Variants in CACNA1B observed in about 807,000 individuals in gnomAD.
The protein encoded by CACNA1B is voltage-dependent N-type calcium channel subunit alpha-1B.
CACNA1B carries 70 observed loss-of-function variants against 247.2 expected under a neutral mutation model. The ratio of observed to expected loss-of-function variants is 0.28; its 90% CI spans 0.23 to 0.35. CACNA1B has a LOEUF of 0.35. Among genes scored for constraint, CACNA1B ranks in the 10% least tolerant of loss-of-function variants. The pLI is 1.00. For missense variants in CACNA1B, 2,367 were observed against 3,197.4 expected, an observed-to-expected ratio of 0.74 and a Z score of 6.26; for synonymous variants, 1,231 against 1,294.4, an observed-to-expected ratio of 0.95 and a Z score of 1.05.
At chr9:137,894,479 A>C (rs776231759) in intron 3 of CACNA1B, among the ~76,000 whole-genome samples, 2 of 151,416 alleles carry the variant, frequency 1.3e-5, no homozygotes, top group Non-Finnish European at 2.9e-5. Context: ...CAGTGGCTCT[A>C]TCTCAGGTCA....
In CACNA1B at chr9:137,882,541, G is replaced by T. The variant is rs185397055; in HGVS notation, c.391-203G>T. ...GTAAACAGTGGTGTCCCCATTAGGG[G>T]ACATGTGCAGACAGCAAGCAGGCTC... On this transcript the variant is annotated intron_variant, in intron 2 of 46. Coordinates refer to ENST00000371372, the MANE Select transcript of CACNA1B (RefSeq NM_000718.4). This position sits in a 1 kb window ranked among gnomAD's most constrained non-coding sequence, Gnocchi z 4.0. Among the ~76,000 whole-genome samples, 2 of 152,302 alleles carry T rather than the reference G, an allele frequency of 1.3e-5. No homozygotes were observed. Among genetic ancestry groups the T allele is most frequent in the Non-Finnish European group, 2.9e-5 (2 of 68,038 alleles).
At position 138,013,155 on chromosome 9, in the gene CACNA1B, C is replaced by T; in HGVS notation, c.2187C>T (p.Ala729=). 6.2e-7 allele frequency: 1 copy of T among 1,613,254 alleles called. No homozygotes were observed. The highest frequency in any genetic ancestry group is 1.1e-5 in the South Asian group (1 of 91,008). ...TKDEEEMEEA[A]NQKLALQKAK... ...ATGAAGAGGAGATGGAAGAAGCAGC[C>T]AATCAGAAGCTTGCTCTGCAAAAGG... is the stretch of plus-strand genomic sequence containing the variant. The change falls in exon 18 of 47, where the codon GCC becomes GCT. Residue 729 remains alanine (A), a synonymous_variant. Transcript: ENST00000371372.
rs1959265109 is a variant in CACNA1B, at chr9:138,051,253, G to A, written c.3711-839G>A. On this transcript the variant is annotated intron_variant, in intron 24 of 46. Coordinates refer to ENST00000371372, the MANE Select transcript of CACNA1B (RefSeq NM_000718.4). The surrounding 1 kb of genome is among the most constrained non-coding windows in gnomAD (Gnocchi z 4.3). ...AGAACCTGCTAATTCCTGCGTCCCT[G>A]ACAGGTAGAGGCAGCTGCCTGGGTC... Among the ~76,000 whole-genome samples the A allele has an allele frequency of 1.3e-5, 2 of 152,036 alleles. No homozygotes were observed. Among genetic ancestry groups the A allele is most frequent in the Non-Finnish European group, 2.9e-5 (2 of 68,018 alleles).
rs1415195642 is a variant in CACNA1B, at chr9:138,011,820, G to A, written c.2161-1309G>A. Among the ~76,000 whole-genome samples, 8 of 152,260 alleles carry A rather than the reference G, an allele frequency of 5.3e-5. No homozygotes were observed. The highest frequency in any genetic ancestry group is 2.6e-4 in the Admixed American group (4 of 15,292). On this transcript the variant is annotated intron_variant, in intron 17 of 46. Transcript: ENST00000371372. This position sits in a 1 kb window ranked among gnomAD's most constrained non-coding sequence, Gnocchi z 4.2. Reference sequence around the variant, plus strand: ...TTAGTTTCTGCCAGCGTTGCGCCCCGAATGCAGATTCAAGGACATTTTAGG... The same window carrying A: ...TTAGTTTCTGCCAGCGTTGCGCCCCAAATGCAGATTCAAGGACATTTTAGG...
intron 34 of CACNA1B, among the ~76,000 whole-genome samples, chr9:138,075,587 T>C (rs574539888): frequency 1.3e-5 from 2 of 152,340 alleles, no homozygotes; most frequent in African/African-American, 4.8e-5. Context: ...TGTTTCGGAC[T>C]TGCATCTGTG....
chr9:138,071,549 G>A lies in CACNA1B; in HGVS notation c.4674+1786G>A, dbSNP rs116042669. Among the ~76,000 whole-genome samples the A allele has an allele frequency of 8.9e-3, 1,351 of 152,288 alleles. 13 individuals are homozygous for A. Among genetic ancestry groups the A allele is most frequent in the African/African-American group, 0.03 (1,258 of 41,562 alleles). On this transcript the variant is annotated intron_variant, in intron 32 of 46. Coordinates refer to ENST00000371372, the MANE Select transcript of CACNA1B (RefSeq NM_000718.4). ...GTCTGTCTTCACAGCTCTCCAGGGC[G>A]CCCGTCTCCTGCCCCCAGCCTCTCC...
intron 15 of CACNA1B, among the ~76,000 whole-genome samples, chr9:138,004,011 C>A (rs1958615543): frequency 1.3e-5 from 2 of 151,966 alleles, no homozygotes; most frequent in Admixed American, 6.6e-5. Flanking sequence ...TGATGAAGAA[C>A]CATCCTCTGC....
intron 6 of CACNA1B, among the ~76,000 whole-genome samples, chr9:137,931,103 G>A (rs527538045): frequency 6.6e-6 from 1 of 152,220 alleles, no homozygotes; most frequent in Middle Eastern, 3.4e-3. Context: ...TTGACTACGA[G>A]TTGTCCAGGT....
chr9:138,018,041 G>A, intron 18 of CACNA1B, among the ~76,000 whole-genome samples: 1 of 64,384 alleles, frequency 1.6e-5, no homozygotes, highest in South Asian at 6.8e-4. Flanking sequence ...CCTGATGGAA[G>A]TGGCCAGGTG....
chr9:138,059,799 C>G lies in CACNA1B; in HGVS notation c.4668+62C>G, dbSNP rs929825130. 1 of 924,060 alleles carries G rather than the reference C, an allele frequency of 1.1e-6. No homozygotes were observed. Among genetic ancestry groups the G allele is most frequent in the Non-Finnish European group, 1.8e-6 (1 of 554,166 alleles). 57.2% of individuals were successfully genotyped at this position (924,060 alleles called of 1,614,324 possible). On this transcript the variant is annotated intron_variant, in intron 31 of 46. Coordinates refer to ENST00000371372, the MANE Select transcript of CACNA1B (RefSeq NM_000718.4). This position sits in a 1 kb window ranked among gnomAD's most constrained non-coding sequence, Gnocchi z 4.2. ...GGTGGTTTCCTTCTAGAGCCTGCTC[C>G]CCTCAGTGCATCTCCAGGCCCTGTG...
At position 137,957,018 on chromosome 9, in the gene CACNA1B, G is replaced by A. The variant is rs1354907897; in HGVS notation, c.1243+191G>A. ...CACCTGACACAGGCCCACACTGCAG[G>A]TTTAAACCGAGCTGTGTCTATCCCC... On this transcript the variant is annotated intron_variant, in intron 9 of 46. Transcript: ENST00000371372. The surrounding 1 kb of genome is among the most constrained non-coding windows in gnomAD (Gnocchi z 4.7). Among the ~76,000 whole-genome samples the A allele has an allele frequency of 6.6e-6, 1 of 152,204 alleles. No individual in the cohort carries two copies. The highest frequency in any genetic ancestry group is 2.4e-5 in the African/African-American group (1 of 41,458).
intron 15 of CACNA1B, among the ~76,000 whole-genome samples, chr9:138,006,433 C>T (rs1162059602): frequency 6.6e-6 from 1 of 152,176 alleles, no homozygotes; most frequent in Admixed American, 6.5e-5. Context: ...GGCGCTGTTT[C>T]GTCTCTCCAT....
rs747248069 is a variant in CACNA1B at position 138,022,999 on chromosome 9, G to C, written c.2268-12G>C. The C allele has an allele frequency of 6.7e-7, 1 of 1,486,164 alleles. No individual in the cohort carries two copies. 92.1% of individuals were successfully genotyped at this position (1,486,164 alleles called of 1,614,324 possible). A position where few individuals can be genotyped will look rare whatever the true frequency, so the allele number is the denominator to read the frequency against. ...GCAGACGGGGCCGCGCTCACCGCCAGTCTCCCCGCAGCAGGCAGCAGAACT... is the reference window on the plus strand; with the variant it reads ...GCAGACGGGGCCGCGCTCACCGCCACTCTCCCCGCAGCAGGCAGCAGAACT... On this transcript the variant is annotated splice_polypyrimidine_tract_variant and intron_variant, in intron 18 of 46. Coordinates refer to ENST00000371372, the MANE Select transcript of CACNA1B (RefSeq NM_000718.4).
chr9:138,076,617 C>CG (rs1466468464), intron 35 of CACNA1B, among the ~76,000 whole-genome samples: 1 of 152,138 alleles, frequency 6.6e-6, no homozygotes, highest in African/African-American at 2.4e-5. Context: ...TTCCTGGGCG[C>CG]GGAACAGGAG....
intron 25 of CACNA1B, among the ~76,000 whole-genome samples, chr9:138,053,129 A>C (rs1486554349): frequency 6.6e-6 from 1 of 152,240 alleles, no homozygotes; most frequent in African/African-American, 2.4e-5. Flanking sequence ...CAGTTTGCCC[A>C]AATTGCTTCC....
In CACNA1B at chr9:137,954,879, T is replaced by TGAGAGAGAGA. The variant is rs1173163661; in HGVS notation, c.1071-805_1071-796dup. ...GCTTGTGTGTGTGTGTGTGTGTGTGTGAGAGAGAGAGAGAGAGAGAGAGGG... is the reference window on the plus strand; with the variant it reads ...GCTTGTGTGTGTGTGTGTGTGTGTGTGAGAGAGAGAGAGAGAGAGAGAGAGAGAGAGAGGG... On this transcript the variant is annotated intron_variant, in intron 7 of 46. Transcript: ENST00000371372. This position sits in a 1 kb window ranked among gnomAD's most constrained non-coding sequence, Gnocchi z 4.1. Among the ~76,000 whole-genome samples the TGAGAGAGAGA allele has an allele frequency of 6.9e-6, 1 of 145,194 alleles. No individual in the cohort carries two copies. The highest frequency in any genetic ancestry group is 2.2e-4 in the East Asian group (1 of 4,602).
intron 5 of CACNA1B, among the ~76,000 whole-genome samples, chr9:137,916,072 G>C (rs548601360): frequency 8.3e-6 from 1 of 121,130 alleles, no homozygotes; most frequent in African/African-American, 3.2e-5. Context: ...TCACTCTGTT[G>C]CCCAGGCTGG....
At chr9:138,103,883 G>T (rs934864033) in intron 38 of CACNA1B, among the ~76,000 whole-genome samples, 2 of 152,260 alleles carry the variant, frequency 1.3e-5, no homozygotes, top group South Asian at 2.1e-4. Flanking sequence ...ACTCAGTGCA[G>T]CCTGTGGGAG....
At chr9:137,948,781 TGTGTGTG>T (rs898094068) in intron 6 of CACNA1B, among the ~76,000 whole-genome samples, 13 of 147,934 alleles carry the variant, frequency 8.8e-5, no homozygotes, top group African/African-American at 2.8e-4. Flanking sequence ...GCATGTGGTA[TGTGTGTG>T]GTGTGTGTGT....
Sources: allele counts gnomAD v4.1 joint callset (sites outside exome capture counted in the v4.1 genomes callset), GRCh38; gene constraint gnomAD v4.1.1; non-coding constraint Gnocchi (gnomAD v3.1); transcripts MANE v1.5; gene names NCBI Gene and HGNC (gene_info 2026-07-23, HGNC 2026-07-21).